SPAG7: variants seen among roughly 807,000 people sequenced by gnomAD.
SPAG7 encodes the protein sperm associated antigen 7, also known as sperm-associated antigen 7.
Under a neutral mutation model 30.6 loss-of-function variants are expected in SPAG7, and 20 were observed. The ratio of observed to expected loss-of-function variants is 0.65; its 90% confidence interval spans 0.46 to 0.95. The LOEUF (loss-of-function observed/expected upper bound fraction) is 0.95, where lower values mean the gene tolerates loss of function less well. Among genes scored for constraint, SPAG7 ranks in the 40% least tolerant of loss-of-function variants. The probability of loss-of-function intolerance (pLI) is 0.00; values close to 1 mark genes in which losing one functional copy is unlikely to be tolerated. For synonymous variants in SPAG7, 127 were observed against 104.2 expected (o/e 1.22, Z -1.33); for missense variants, 276 against 291.1 (o/e 0.95, Z 0.38).
In SPAG7 at chr17:4,959,504, C is replaced by T. The variant is rs967075970; in HGVS notation, c.*30G>A. 2 of 1,579,122 alleles carry T rather than the reference C, an allele frequency of 1.3e-6. No individual in the cohort carries two copies. The highest frequency in any genetic ancestry group is 1.7e-6 in the Non-Finnish European group (2 of 1,152,992). ...GTCTCTCCCTGCCCCCTGCCCTGCC[C>T]CAGGGGTCAAAGGGAGCTGGGCGGG... On this transcript the variant is annotated 3_prime_UTR_variant, in exon 7 of 7. Transcript: ENST00000206020.
In SPAG7 at chr17:4,960,495, T is replaced by A; in HGVS notation, c.206A>T (p.Lys69Met). 2 of 1,601,478 alleles carry A rather than the reference T, an allele frequency of 1.2e-6. No homozygotes were observed. Among genetic ancestry groups the A allele is most frequent in the Non-Finnish European group, 1.7e-6 (2 of 1,176,482 alleles). ...FIQDSGQIKK[K>M]FQPMNKIERS... ...CTCGATCTTGTTCATTGGCTGAAAC[T>A]TTTTCTTGATCTGCCCACTGTCTTG... Residue 69 changes from lysine to methionine, a missense_variant, in exon 3 of 7, where the codon AAG becomes ATG. Coordinates refer to ENST00000206020, the MANE Select transcript of SPAG7 (RefSeq NM_004890.3).
Position 4,959,827 on chromosome 17 carries a change from G to A in SPAG7, c.507C>T (p.His169=). 1 of 1,614,160 alleles carries A rather than the reference G, an allele frequency of 6.2e-7. No individual in the cohort carries two copies. Among genetic ancestry groups the A allele is most frequent in the Admixed American group, 1.7e-5 (1 of 60,024 alleles). The part of the protein sequence containing the change: ...PASDYKDKYS[H]LIGKGAAKDA... ...CTTTGGCTGCTCCCTTGCCGATGAGGTGGCTGTACTTGTCCTTGTAGTCGC... is the reference window on the plus strand; with the variant it reads ...CTTTGGCTGCTCCCTTGCCGATGAGATGGCTGTACTTGTCCTTGTAGTCGC... The change falls in exon 6 of 7, where the codon CAC becomes CAT. Residue 169 remains histidine, a synonymous_variant. Coordinates refer to ENST00000206020, the MANE Select transcript of SPAG7 (RefSeq NM_004890.3).
At chr17:4,959,718 A>G (rs200658380) in intron 6 of SPAG7, 42 bp downstream of exon 6, 50 of 1,613,810 alleles carry the variant, frequency 3.1e-5, no homozygotes, top group Middle Eastern at 3.3e-4. Flanking sequence ...GCCGCATCCT[A>G]TGCTCCTCTC....
chr17:4,965,566 AC>A (rs1971935973), intron 1 of SPAG7, among the ~76,000 whole-genome samples: 1 of 151,580 alleles, frequency 6.6e-6, no homozygotes, highest in African/African-American at 2.4e-5. Context: ...GAGGGCAGGG[AC>A]CCTGTTGATC....
chr17:4,960,971 T>C, intron 1 of SPAG7, 118 bp from the exon 2 acceptor site: 1 of 837,054 alleles, frequency 1.2e-6, no homozygotes, highest in South Asian at 1.4e-5. Context: ...AAGGTAGGAT[T>C]AGCGTTTATT....
At chr17:4,967,589 G>A (rs780946427) in intron 1 of SPAG7, 131 bp downstream of exon 1, 40 of 719,052 alleles carry the variant, frequency 5.6e-5, no homozygotes, top group Non-Finnish European at 8.3e-5. Context: ...GCCCTTTTAG[G>A]GACTCTGAGG....
intron 1 of SPAG7, chr17:4,966,641 C>A (rs1216403273): frequency 5.1e-6 from 5 of 985,326 alleles, no homozygotes; most frequent in African/African-American, 1.7e-5. Context: ...TGGGGGAGAA[C>A]CTCAGGTGGC....
At chr17:4,966,323 G>A (rs545808892) in intron 1 of SPAG7, 1 of 152,812 alleles carries the variant, frequency 6.5e-6, no homozygotes, top group East Asian at 1.9e-4. Context: ...TCTGCATCTA[G>A]AGAAGTGGCA....
At position 4,959,434 on chromosome 17, in the gene SPAG7, G is replaced by A; in HGVS notation, c.*100C>T. On this transcript the variant is annotated 3_prime_UTR_variant, in exon 7 of 7. Coordinates refer to ENST00000206020, the MANE Select transcript of SPAG7 (RefSeq NM_004890.3). ...CCTGAGGGACAGCTGGTAGGAGGTG[G>A]TTCAGAGGTGGGGCTCCAGGATGGG... is the stretch of plus-strand genomic sequence containing the variant. The A allele has an allele frequency of 1.1e-6, 1 of 902,148 alleles. No homozygotes were observed. The highest frequency in any genetic ancestry group is 2.4e-5 in the East Asian group (1 of 41,500). 55.9% of individuals were successfully genotyped at this position (902,148 alleles called of 1,614,324 possible).
chr17:4,961,413 C>T (rs1316183948), intron 1 of SPAG7, among the ~76,000 whole-genome samples: 1 of 148,650 alleles, frequency 6.7e-6, no homozygotes, highest in African/African-American at 2.5e-5. Flanking sequence ...GCTGAGATCG[C>T]GCCATTGCAC....
intron 1 of SPAG7, chr17:4,967,046 G>A: frequency 2.0e-6 from 2 of 985,720 alleles, no homozygotes; most frequent in Non-Finnish European, 2.4e-6. Context: ...CCACCCGCAG[G>A]GAAGCTACTC....
rs763463310 is a variant in SPAG7, at chr17:4,960,173, C to T, written c.327+61G>A. ...CAAATGTTTCATTTCATTCCTTGGT[C>T]GGGGAGGGGGGATAAGGCTACAAAG... On this transcript the variant is annotated intron_variant, in intron 4 of 6. Coordinates refer to ENST00000206020, the MANE Select transcript of SPAG7 (RefSeq NM_004890.3). The T allele has an allele frequency of 1.2e-5, 19 of 1,602,024 alleles. No homozygotes were observed. The East Asian group carries it at 2.5e-4, about 21-fold the overall frequency.
Position 4,960,506 on chromosome 17 carries a change from C to T in SPAG7, c.195G>A (p.Gln65=), listed in dbSNP as rs763648858. Residue 65 remains glutamine (Q), a synonymous_variant, in exon 3 of 7, where the codon CAG becomes CAA. Coordinates refer to ENST00000206020, the MANE Select transcript of SPAG7 (RefSeq NM_004890.3). ...EVSDFIQDSG[Q]IKKKFQPMNK... is the part of the protein sequence containing the mutation. ...TCATTGGCTGAAACTTTTTCTTGATCTGCCCACTGTCTTGAATGAAATCTG... is the reference window on the plus strand; with the variant it reads ...TCATTGGCTGAAACTTTTTCTTGATTTGCCCACTGTCTTGAATGAAATCTG... 1.6e-5 allele frequency: 25 copies of T among 1,603,768 alleles called. No homozygotes were observed. In the South Asian group the frequency reaches 2.6e-4, roughly 17 times the overall value.
rs568091110 is a variant in SPAG7, at chr17:4,960,376, C to T, written c.243-58G>A. 330 of 1,604,172 alleles carry T rather than the reference C, an allele frequency of 2.1e-4. 10 individuals carry two copies. The South Asian group carries it at 2.7e-3, about 13-fold the overall frequency. On this transcript the variant is annotated intron_variant, in intron 3 of 6. Coordinates refer to ENST00000206020, the MANE Select transcript of SPAG7 (RefSeq NM_004890.3). ...TTGAGCCAGGAGCGGGCCTAGTGCC[C>T]TCCTCTGGAGGAGCCCCCCGCTGGC...
rs1168365781 is a variant in SPAG7 at position 4,960,047 on chromosome 17, T to C, written c.392A>G (p.Lys131Arg). 2 of 1,614,176 alleles carry C rather than the reference T, an allele frequency of 1.2e-6. No homozygotes were observed. Among genetic ancestry groups the C allele is most frequent in the Non-Finnish European group, 1.7e-6 (2 of 1,180,018 alleles). ...CTTCAGCTTCCGCTTCTCCTCAGCC[T>C]TCTGGGGGTCCCATTCCTCTCCACG... The part of the protein sequence containing the change: ...YRRGEEWDPQ[K>R]AEEKRKLKEL... Residue 131 changes from lysine (K) to arginine (R), a missense_variant, in exon 5 of 7, where the codon AAG (lysine) becomes AGG (arginine). By Grantham distance (26) the Lys-to-Arg change is conservative (BLOSUM62 2). Transcript: ENST00000206020.
At chr17:4,965,631 T>G (rs1278205480) in intron 1 of SPAG7, among the ~76,000 whole-genome samples, 2 of 152,200 alleles carry the variant, frequency 1.3e-5, no homozygotes, top group Admixed American at 1.3e-4. Flanking sequence ...TGAGCTCTCA[T>G]CCCTCTGTCC....
At chr17:4,965,962 C>T (rs1046999767) in intron 1 of SPAG7, 4 of 152,138 alleles carry the variant, frequency 2.6e-5, no homozygotes, top group Non-Finnish European at 4.4e-5. Flanking sequence ...AACTGATTCT[C>T]CTGCCCCAGC....
rs1971851223 is a variant in SPAG7 at position 4,960,908 on chromosome 17, G to C, written c.86-55C>G. 6.5e-6 allele frequency: 10 copies of C among 1,526,906 alleles called. No individual in the cohort carries two copies. In the Admixed American group the frequency reaches 6.7e-5, roughly 10 times the overall value. The allele number at this position is 1,526,906 out of a possible 1,614,324, so 94.6% of individuals were successfully genotyped here. A position where few individuals can be genotyped will look rare whatever the true frequency, so the allele number is the denominator to read the frequency against. On this transcript the variant is annotated intron_variant, in intron 1 of 6. Coordinates refer to ENST00000206020, the MANE Select transcript of SPAG7 (RefSeq NM_004890.3). ...AGGGCTGGAAGCATGGGTGGGAAAG[G>C]TTTCTAAGGCTTCAAGTGAAGTGTG...
At position 4,959,610 on chromosome 17, in the gene SPAG7, A is replaced by G; in HGVS notation, c.608T>C (p.Ile203Thr). 6.2e-7 allele frequency: 1 copy of G among 1,614,104 alleles called. No homozygotes were observed. Among genetic ancestry groups the G allele is most frequent in the Non-Finnish European group, 8.5e-7 (1 of 1,180,018 alleles). The change falls in exon 7 of 7, where the codon ATT becomes ACT. Residue 203 changes from isoleucine to threonine, a missense_variant. Coordinates refer to ENST00000206020, the MANE Select transcript of SPAG7 (RefSeq NM_004890.3). ...TCTGATCTCATTCATAGCCTCTTCA[A>G]TGGAGCGTGTGTCCCTCTTATTGGC... ...PVANKRDTRSIEEAMNEIRAK... is the reference protein window; with the variant it reads ...PVANKRDTRSTEEAMNEIRAK...
Sources: allele counts gnomAD v4.1 joint callset (sites outside exome capture counted in the v4.1 genomes callset), GRCh38; gene constraint gnomAD v4.1.1; transcripts MANE v1.5; gene names NCBI Gene and HGNC (gene_info 2026-07-23, HGNC 2026-07-21).